The following DMD variants were observed in gnomAD, a reference collection of about 807,000 sequenced individuals.
DMD encodes the protein mutant dystrophin.
In DMD, 63 loss-of-function variants were observed where a neutral mutation model predicts 330.1. That is an observed-to-expected ratio of 0.19 (90% CI 0.16 to 0.24). DMD has a LOEUF of 0.24. Among genes scored for constraint, DMD ranks in the 10% least tolerant of loss-of-function variants. DMD has a pLI of 1.00. For synonymous variants in DMD, 1,223 were observed against 959.8 expected (o/e 1.27, Z -5.07); for missense variants, 3,344 against 2,684.1 (o/e 1.25, Z -5.43).
Position 32,589,898 on chromosome X carries a change from C to T in DMD, c.1602+5859G>A, listed in dbSNP as rs12116141. Reference sequence around the variant, plus strand: ...GCTTCCTTCCCCAGAATTTTCAGCACGTAAATCAGATACTAGAAAGGAATA... The same window carrying T: ...GCTTCCTTCCCCAGAATTTTCAGCATGTAAATCAGATACTAGAAAGGAATA... On this transcript the variant is annotated intron_variant, in intron 13 of 78. Transcript: ENST00000357033. Among the ~76,000 whole-genome samples the T allele has an allele frequency of 7.8e-3, 863 of 111,325 alleles. 10 individuals are homozygous for T. Among genetic ancestry groups the T allele is most frequent in the African/African-American group, 0.027 (818 of 30,518 alleles).
chrX:32,958,591 G>A (rs2091727920), intron 2 of DMD, among the ~76,000 whole-genome samples: 1 of 110,978 alleles, frequency 9.0e-6, no homozygotes, highest in Non-Finnish European at 1.9e-5. Context: ...TTTATCTCAA[G>A]TAATCTCAAG....
intron 2 of DMD, among the ~76,000 whole-genome samples, chrX:32,935,246 G>A (rs1320578674): frequency 2.7e-5 from 3 of 112,637 alleles, no homozygotes; most frequent in African/African-American, 9.7e-5. Context: ...CCAAAGTGCT[G>A]GGATTACAGG....
At chrX:33,177,907 T>C (rs1190040980) in intron 1 of DMD, among the ~76,000 whole-genome samples, 1 of 112,099 alleles carries the variant, frequency 8.9e-6, no homozygotes, top group Non-Finnish European at 1.9e-5. Flanking sequence ...GATTTTTAGA[T>C]AAAGCACTCA....
chrX:32,872,704 C>A (rs1409427077), intron 2 of DMD, among the ~76,000 whole-genome samples: 1 of 111,856 alleles, frequency 8.9e-6, no homozygotes, highest in Non-Finnish European at 1.9e-5. Flanking sequence ...ACAAGATGCA[C>A]AAAGGGAAGT....
At chrX:33,070,871 G>C (rs1490499474) in intron 1 of DMD, among the ~76,000 whole-genome samples, 1 of 107,614 alleles carries the variant, frequency 9.3e-6, no homozygotes, top group Non-Finnish European at 1.9e-5. Context: ...TAGAAAAAAG[G>C]GCCCCCTTAG....
At chrX:31,481,260 T>G (rs2149265804) in intron 57 of DMD, among the ~76,000 whole-genome samples, 1 of 112,581 alleles carries the variant, frequency 8.9e-6, no homozygotes, top group South Asian at 3.7e-4. Flanking sequence ...CAGGAACCTT[T>G]GAACGGTTTT....
rs143078772 is a variant in DMD, at chrX:31,806,677, C to G, written c.7309+13298G>C. ...TTATTTCTGCCCACGCAGGTCTATC[C>G]ACTCATTCATCTCAATCCACTTGCA... is the stretch of plus-strand genomic sequence containing the variant. On this transcript the variant is annotated intron_variant, in intron 50 of 78. Transcript: ENST00000357033. Among the ~76,000 whole-genome samples the G allele has an allele frequency of 3.4e-4, 38 of 112,254 alleles. 1 individual carries two copies. In the East Asian group the frequency reaches 7.3e-3, roughly 22 times the overall value.
intron 55 of DMD, among the ~76,000 whole-genome samples, chrX:31,575,611 C>T (rs1294690959): frequency 8.9e-6 from 1 of 111,732 alleles, no homozygotes; most frequent in East Asian, 2.8e-4. Flanking sequence ...ACTAAAATCA[C>T]AATAAAATGT....
At chrX:31,809,931 GGGGTT>G (rs1393802622) in intron 50 of DMD, among the ~76,000 whole-genome samples, 1 of 111,220 alleles carries the variant, frequency 9.0e-6, no homozygotes, top group African/African-American at 3.3e-5. Flanking sequence ...CAGGAGATGT[GGGGTT>G]GGGTCCAGAT....
At chrX:32,694,480 C>A (rs903771137) in intron 9 of DMD, among the ~76,000 whole-genome samples, 1 of 111,426 alleles carries the variant, frequency 9.0e-6, no homozygotes, top group Non-Finnish European at 1.9e-5. Flanking sequence ...AGAAACCTCA[C>A]GGTAATCCTT....
At chrX:32,465,198 T>G (rs771542715) in intron 23 of DMD, among the ~76,000 whole-genome samples, 1 of 112,144 alleles carries the variant, frequency 8.9e-6, no homozygotes, top group East Asian at 2.8e-4. Flanking sequence ...AAGACAGAGC[T>G]TTTGCTTTTA....
chrX:31,716,013 A>C (rs906838860), intron 52 of DMD, among the ~76,000 whole-genome samples: 7 of 112,141 alleles, frequency 6.2e-5, no homozygotes, highest in African/African-American at 2.3e-4. Context: ...AGATGTTAGA[A>C]TTAAAATAAT....
At chrX:33,322,163 GACTA>G (rs905837984) in intron 1 of DMD, among the ~76,000 whole-genome samples, 18 of 111,379 alleles carry the variant, frequency 1.6e-4, no homozygotes, top group Non-Finnish European at 2.6e-4. Context: ...TTCACACCTT[GACTA>G]ACTGTCTGGT....
chrX:32,979,107 G>A (rs886729113), intron 2 of DMD, among the ~76,000 whole-genome samples: 3 of 112,043 alleles, frequency 2.7e-5, no homozygotes, highest in Non-Finnish European at 3.8e-5. Flanking sequence ...ACCAACATAT[G>A]ATCTCCAACT....
chrX:32,616,395 A>G (rs2057567409), intron 11 of DMD, among the ~76,000 whole-genome samples: 1 of 110,908 alleles, frequency 9.0e-6, no homozygotes, highest in Admixed American at 9.6e-5. Flanking sequence ...TCCTCCATTT[A>G]TTTATGAAAT....
rs754977241 is a variant in DMD at position 31,340,461 on chromosome X, A to G, written c.9163+8095T>C. Among the ~76,000 whole-genome samples, 175 of 112,549 alleles carry G rather than the reference A, an allele frequency of 1.6e-3. 1 individual carries two copies. Among genetic ancestry groups the G allele is most frequent in the African/African-American group, 5.4e-3 (167 of 31,065 alleles). On this transcript the variant is annotated intron_variant, in intron 61 of 78. Transcript: ENST00000357033. ...AATTTGTAAAAGTAAAAAGAAAGAA[A>G]TGATGCAATAACTGTTTGTCTTTTG...
chrX:31,774,240 A>C (rs1173154861), intron 50 of DMD, 48 bp from the exon 51 acceptor site: 5 of 980,442 alleles, frequency 5.1e-6, no homozygotes, highest in Non-Finnish European at 7.2e-6. Flanking sequence ...AGAAAAAGAA[A>C]AATTAGAAAC....
chrX:32,428,372 G>T (rs1439192529), intron 29 of DMD, among the ~76,000 whole-genome samples: 1 of 111,418 alleles, frequency 9.0e-6, no homozygotes, highest in African/African-American at 3.3e-5. Flanking sequence ...TATGTGAAAT[G>T]TATTGACATT....
At chrX:31,211,082 T>G (rs1299149151) in intron 64 of DMD, among the ~76,000 whole-genome samples, 2 of 111,909 alleles carry the variant, frequency 1.8e-5, no homozygotes, top group African/African-American at 6.5e-5. Context: ...AAGCTGAGAC[T>G]TTCTTTAAAG....
Sources: allele counts gnomAD v4.1 joint callset (sites outside exome capture counted in the v4.1 genomes callset), GRCh38; gene constraint gnomAD v4.1.1; transcripts MANE v1.5; gene names NCBI Gene and HGNC (gene_info 2026-07-23, HGNC 2026-07-21).